The following NUP88 variants were observed in gnomAD, a reference collection of about 807,000 sequenced individuals.
NUP88 encodes nucleoporin 88, also known as nuclear pore complex protein Nup88.
In NUP88, 57 loss-of-function variants were observed where a neutral mutation model predicts 93.9. That is an observed-to-expected ratio of 0.61 (90% CI 0.49 to 0.76). The LOEUF (loss-of-function observed/expected upper bound fraction) is 0.76. NUP88 is among the 30% of genes least tolerant of loss of function. The probability of loss-of-function intolerance (pLI) is 0.00; values close to 1 mark genes in which losing one functional copy is unlikely to be tolerated. For synonymous variants in NUP88, 346 were observed against 336.8 expected, an observed-to-expected ratio of 1.03 and a Z score of -0.30; for missense variants, 911 against 901.0, an observed-to-expected ratio of 1.01 and a Z score of -0.14.
intron 5 of NUP88, 87 bp downstream of exon 5, chr17:5,408,646 A>C (rs902775923): frequency 8.7e-6 from 9 of 1,038,988 alleles, no homozygotes; most frequent in Admixed American, 7.7e-5. Context: ...ACAGACTCAA[A>C]AACATGGCTC....
intron 12 of NUP88, 24 bp from the exon 13 acceptor site, chr17:5,387,694 G>C: frequency 1.2e-6 from 2 of 1,609,208 alleles, no homozygotes; most frequent in Non-Finnish European, 8.5e-7. Context: ...AAGAAATAGA[G>C]TTTATTCAGA....
chr17:5,403,300 A>ACC (rs199942726), intron 7 of NUP88, among the ~76,000 whole-genome samples: 1 of 151,680 alleles, frequency 6.6e-6, no homozygotes, highest in Non-Finnish European at 1.5e-5. Context: ...ATATGGTGAG[A>ACC]CCCCCGTCTC....
rs765628890 is a variant in NUP88 at position 5,387,126 on chromosome 17, G to C, written c.1917-16C>G. Reference sequence around the variant, plus strand: ...TTTTTTCATCCTTTAGAAAAGGCAAGCAAACATCTCAATTTAAGGTCTCTA... The same window carrying C: ...TTTTTTCATCCTTTAGAAAAGGCAACCAAACATCTCAATTTAAGGTCTCTA... On this transcript the variant is annotated splice_polypyrimidine_tract_variant and intron_variant, in intron 14 of 16. Coordinates refer to ENST00000573584, the MANE Select transcript of NUP88 (RefSeq NM_002532.6). The C allele has an allele frequency of 1.9e-6, 3 of 1,611,886 alleles. No homozygotes were observed. In the South Asian group the frequency reaches 3.3e-5, roughly 18 times the overall value.
chr17:5,399,190 CTTTT>C (rs536801907), intron 8 of NUP88, among the ~76,000 whole-genome samples: 107 of 123,460 alleles, frequency 8.7e-4, no homozygotes, highest in African/African-American at 9.9e-4. Flanking sequence ...CGCACCCGGC[CTTTT>C]TTTTTTTTTT....
chr17:5,395,101 CTA>C, intron 8 of NUP88, 120 bp from the exon 9 acceptor site: 1 of 664,708 alleles, frequency 1.5e-6, no homozygotes, highest in East Asian at 2.7e-5. Context: ...TTCTCAAGTA[CTA>C]TGCTTTTCTG....
chr17:5,410,820 T>C, intron 3 of NUP88, 31 bp from the exon 4 acceptor site: 1 of 1,442,742 alleles, frequency 6.9e-7, no homozygotes. Flanking sequence ...AAACCAGCAC[T>C]TAAAATTCTG....
chr17:5,408,697 A>G (rs765379244), intron 5 of NUP88, 36 bp downstream of exon 5: 1 of 1,520,508 alleles, frequency 6.6e-7, no homozygotes, highest in Non-Finnish European at 8.9e-7. Flanking sequence ...GCCCAAACTG[A>G]GTTTTCATTT....
At chr17:5,398,573 G>A (rs943509573) in intron 8 of NUP88, among the ~76,000 whole-genome samples, 2 of 149,616 alleles carry the variant, frequency 1.3e-5, no homozygotes, top group East Asian at 3.9e-4. Flanking sequence ...TTACAGGCGT[G>A]AGCCACTGTG....
chr17:5,405,776 G>C (rs1913456380), intron 5 of NUP88, among the ~76,000 whole-genome samples: 1 of 152,158 alleles, frequency 6.6e-6, no homozygotes, highest in South Asian at 2.1e-4. Context: ...CTCAACAGCT[G>C]TAACAATTCT....
At chr17:5,386,904 T>G in intron 15 of NUP88, 78 bp from the exon 16 acceptor site, 2 of 1,593,708 alleles carry the variant, frequency 1.3e-6, no homozygotes, top group Non-Finnish European at 1.7e-6. Flanking sequence ...TCTGTTCTTT[T>G]TACATTTTTG....
chr17:5,404,939 A>C, intron 6 of NUP88, 118 bp downstream of exon 6: 1 of 946,196 alleles, frequency 1.1e-6, no homozygotes, highest in Non-Finnish European at 1.6e-6. Flanking sequence ...TTAATTTCCA[A>C]AATATCAGAA....
chr17:5,418,372 G>A (rs1914326678), intron 1 of NUP88: 1 of 152,126 alleles, frequency 6.6e-6, no homozygotes, highest in Non-Finnish European at 1.5e-5. Context: ...TCCTGCCTCA[G>A]GCACCTGAGT....
At chr17:5,395,840 A>T (rs2151637700) in intron 8 of NUP88, among the ~76,000 whole-genome samples, 1 of 152,294 alleles carries the variant, frequency 6.6e-6, no homozygotes, top group African/African-American at 2.4e-5. Flanking sequence ...TTGAAACGTA[A>T]TTCACAGTAC....
chr17:5,416,729 T>C, intron 1 of NUP88, 47 bp from the exon 2 acceptor site: 2 of 1,460,424 alleles, frequency 1.4e-6, no homozygotes, highest in South Asian at 1.3e-5. Flanking sequence ...TTAATTTAAA[T>C]ATAGGTGGCA....
intron 3 of NUP88, 30 bp from the exon 4 acceptor site, chr17:5,410,819 C>T: frequency 6.9e-7 from 1 of 1,441,138 alleles, no homozygotes; most frequent in Non-Finnish European, 9.7e-7. Flanking sequence ...AAAACCAGCA[C>T]TTAAAATTCT....
At position 5,409,374 on chromosome 17, in the gene NUP88, C is replaced by CA. The variant is rs10611297; in HGVS notation, c.681-466dup. ...GGGCGACAAGAGCGAAACTCCGTCT[C>CA]AAAAAAAAAAAAAAAAAAAAAATTC... On this transcript the variant is annotated intron_variant, in intron 4 of 16. Coordinates refer to ENST00000573584, the MANE Select transcript of NUP88 (RefSeq NM_002532.6). Among the ~76,000 whole-genome samples, 663 of 99,112 alleles carry CA rather than the reference C, an allele frequency of 6.7e-3. 2 individuals are homozygous for CA. Among genetic ancestry groups the CA allele is most frequent in the African/African-American group, 8.6e-3 (231 of 26,980 alleles). The allele number at this position is 99,112 out of a possible 152,430, so 65.0% of individuals were successfully genotyped here.
chr17:5,418,949 T>C (rs545599508), intron 1 of NUP88, among the ~76,000 whole-genome samples: 2 of 152,266 alleles, frequency 1.3e-5, no homozygotes, highest in African/African-American at 4.8e-5. Flanking sequence ...GCATGAAGCG[T>C]GGTGCTTTGA....
intron 7 of NUP88, among the ~76,000 whole-genome samples, chr17:5,401,323 C>T (rs901282563): frequency 1.3e-5 from 2 of 151,832 alleles, no homozygotes; most frequent in Non-Finnish European, 2.9e-5. Context: ...GTGGAGGTTG[C>T]GGTGAGCCGA....
intron 8 of NUP88, among the ~76,000 whole-genome samples, chr17:5,398,169 C>A (rs1018120419): frequency 4.0e-5 from 6 of 151,688 alleles, no homozygotes; most frequent in African/African-American, 1.5e-4. Context: ...CTCCAAAGTG[C>A]TGGGATTATA....
Sources: gnomAD v4.1 joint callset for allele counts (sites outside exome capture counted in the v4.1 genomes callset) on GRCh38, gnomAD v4.1.1 for gene constraint, MANE v1.5 for transcripts, NCBI Gene and HGNC (gene_info 2026-07-23, HGNC 2026-07-21) for gene names.